The following ZFHX3 variants were observed in gnomAD, a reference collection of about 807,000 sequenced individuals.
ZFHX3 encodes the protein zinc finger homeobox protein 3.
Under a neutral mutation model 279.1 loss-of-function variants are expected in ZFHX3, and 42 were observed. The ratio of observed to expected loss-of-function variants is 0.15; its 90% CI spans 0.12 to 0.19. ZFHX3 has a LOEUF of 0.19. Ranked by LOEUF, ZFHX3 falls within the 10% of genes least tolerant of loss-of-function variation. The pLI is 1.00. For synonymous variants in ZFHX3, 2,293 were observed against 1,957.8 expected, an observed-to-expected ratio of 1.17 and a Z score of -4.52; for missense variants, 4,981 against 4,754.0, an observed-to-expected ratio of 1.05 and a Z score of -1.40.
At chr16:72,982,854 A>C (rs1271712604) in intron 1 of ZFHX3, among the ~76,000 whole-genome samples, 1 of 152,184 alleles carries the variant, frequency 6.6e-6, no homozygotes, top group Admixed American at 6.5e-5. Context: ...CTCGGCTCAA[A>C]AGGCTATTTG....
At chr16:73,587,624 T>C (rs1475437723) in intron 2 of ZFHX3, among the ~76,000 whole-genome samples, 1 of 152,228 alleles carries the variant, frequency 6.6e-6, no homozygotes, top group Non-Finnish European at 1.5e-5. Context: ...TCTAACATTC[T>C]CACCAGACTT....
Position 73,260,680 on chromosome 16 carries a change from G to GTTTTTT in ZFHX3, c.-1193-3550_-1193-3545dup, listed in dbSNP as rs370384540. ...TCTTTGTTAGTGGTGCACCTATCTG[G>GTTTTTT]TTTTTTTTTTTTTTTTTTTTTTTTT... On this transcript the variant is annotated intron_variant, in intron 4 of 17. Transcript: ENST00000641206. 1.3e-3 allele frequency among the ~76,000 whole-genome samples: 119 copies of GTTTTTT among 88,390 alleles called. 5 individuals are homozygous for GTTTTTT. Among genetic ancestry groups the GTTTTTT allele is most frequent in the Admixed American group, 2.1e-3 (14 of 6,666 alleles). The allele number at this position is 88,390 out of a possible 152,430, so 58.0% of individuals were successfully genotyped here.
chr16:73,767,445 A>T (rs534683049), intron 1 of ZFHX3, among the ~76,000 whole-genome samples: 56 of 152,352 alleles, frequency 3.7e-4, no homozygotes, highest in Non-Finnish European at 7.8e-4. Context: ...AGAGAGTACT[A>T]CATGAGAATT....
chr16:73,307,972 C>T (rs1281157069), intron 4 of ZFHX3, among the ~76,000 whole-genome samples: 2 of 151,920 alleles, frequency 1.3e-5, no homozygotes, highest in East Asian at 3.9e-4. Flanking sequence ...CACTCACCCC[C>T]AAATTTGCCA....
At chr16:73,246,278 T>G (rs992862616) in intron 5 of ZFHX3, among the ~76,000 whole-genome samples, 1 of 151,862 alleles carries the variant, frequency 6.6e-6, no homozygotes, top group African/African-American at 2.4e-5. Flanking sequence ...ATCAGGTGAG[T>G]GCTGGAGACT....
At chr16:72,933,813 C>CTTTTTTTTTTTTTTTTTTTTTTT (rs71391468) in intron 3 of ZFHX3, among the ~76,000 whole-genome samples, 7 of 112,478 alleles carry the variant, frequency 6.2e-5, no homozygotes, top group Non-Finnish European at 1.2e-4. Flanking sequence ...TCACAACTTT[C>CTTTTTTTTTTTTTTTTTTTTTTT]TTTTTTTTTT....
rs148012528 is a variant in ZFHX3, at chr16:73,702,918, C to T, written c.-1607-22678G>A. On this transcript the variant is annotated intron_variant, in intron 1 of 17. Transcript: ENST00000641206. ...AAATTCAAGTGATGGTGAAATGAAC[C>T]TCATAACTACCTAATGGTGTCGGTA... Among the ~76,000 whole-genome samples, 215 of 152,212 alleles carry T rather than the reference C, an allele frequency of 1.4e-3. 1 individual carries two copies. The highest frequency in any genetic ancestry group is 5.0e-3 in the African/African-American group (206 of 41,500).
intron 2 of ZFHX3, among the ~76,000 whole-genome samples, chr16:73,510,218 T>C (rs767663542): frequency 1.1e-4 from 16 of 152,196 alleles, no homozygotes; most frequent in Non-Finnish European, 1.8e-4. Flanking sequence ...ATTCTGCCCA[T>C]AGCATTATCA....
At chr16:72,969,784 C>T (rs1176187179) in intron 1 of ZFHX3, among the ~76,000 whole-genome samples, 1 of 152,186 alleles carries the variant, frequency 6.6e-6, no homozygotes, top group African/African-American at 2.4e-5. Context: ...TTTACAATAA[C>T]AGTGTTTGTC....
chr16:73,681,073 T>A (rs2053005278), intron 1 of ZFHX3, among the ~76,000 whole-genome samples: 1 of 152,240 alleles, frequency 6.6e-6, no homozygotes, highest in East Asian at 1.9e-4. Flanking sequence ...AGTGGATGTC[T>A]GGTCTTGTGG....
chr16:73,376,735 T>C (rs1031242573), intron 3 of ZFHX3, among the ~76,000 whole-genome samples: 2 of 152,164 alleles, frequency 1.3e-5, no homozygotes, highest in East Asian at 3.9e-4. Context: ...GATGTGCATC[T>C]TCTGTGTCAA....
At chr16:73,486,708 C>T in intron 2 of ZFHX3, 2 of 437,038 alleles carry the variant, frequency 4.6e-6, no homozygotes, top group South Asian at 3.2e-5. Flanking sequence ...TTCCTGGTTT[C>T]CTGCTAAATC....
intron 2 of ZFHX3, among the ~76,000 whole-genome samples, chr16:73,566,133 G>A (rs1746805772): frequency 6.6e-6 from 1 of 152,188 alleles, no homozygotes; most frequent in Admixed American, 6.5e-5. Flanking sequence ...TCTCCTGATA[G>A]GGCTGAAGGT....
intron 1 of ZFHX3, among the ~76,000 whole-genome samples, chr16:73,714,017 A>T (rs1346609770): frequency 6.6e-6 from 1 of 152,026 alleles, no homozygotes; most frequent in Non-Finnish European, 1.5e-5. Flanking sequence ...TTGATGTATG[A>T]TCCCTTCCTC....
chr16:73,000,264 C>A (rs747405118), intron 1 of ZFHX3, among the ~76,000 whole-genome samples: 1 of 152,128 alleles, frequency 6.6e-6, no homozygotes, highest in East Asian at 1.9e-4. Flanking sequence ...GAAGGGCACG[C>A]GGTGAAAGGA....
In ZFHX3 at chr16:73,073,655, T is replaced by C. The variant is rs529849692; in HGVS notation, c.-532-14643A>G. On this transcript the variant is annotated intron_variant, in intron 8 of 17. Coordinates refer to the ZFHX3 transcript ENST00000641206. ...CTGGGATTATAGGCACCTGCCACCA[T>C]GCCCAGCTAATTTTTGTATTTTTAG... Among the ~76,000 whole-genome samples, 18 of 152,252 alleles carry C rather than the reference T, an allele frequency of 1.2e-4. No individual in the cohort carries two copies. The South Asian group carries it at 1.9e-3, about 16-fold the overall frequency.
chr16:73,671,780 G>A (rs970711009), intron 2 of ZFHX3, among the ~76,000 whole-genome samples: 3 of 152,184 alleles, frequency 2.0e-5, no homozygotes, highest in Non-Finnish European at 4.4e-5. Flanking sequence ...TTGAAGGGGA[G>A]TTTAGACTTA....
At chr16:73,848,526 C>T (rs977557164) in intron 1 of ZFHX3, among the ~76,000 whole-genome samples, 6 of 152,154 alleles carry the variant, frequency 3.9e-5, no homozygotes, top group African/African-American at 1.4e-4. Context: ...ACTCTCAAGG[C>T]CACATAATCC....
chr16:73,199,135 G>A (rs1033464099), intron 5 of ZFHX3, among the ~76,000 whole-genome samples: 1 of 152,142 alleles, frequency 6.6e-6, no homozygotes, highest in Non-Finnish European at 1.5e-5. Flanking sequence ...CTGATGTCCA[G>A]GTTCAACTAT....
Sources: gnomAD v4.1 joint callset for allele counts (sites outside exome capture counted in the v4.1 genomes callset) on GRCh38, gnomAD v4.1.1 for gene constraint, MANE v1.5 for transcripts, NCBI Gene and HGNC (gene_info 2026-07-23, HGNC 2026-07-21) for gene names.